CCDC174: variants seen among roughly 807,000 people sequenced by gnomAD.
CCDC174 encodes coiled-coil domain containing 174.
Under a neutral mutation model 57.1 loss-of-function variants are expected in CCDC174, and 37 were observed. That is an observed-to-expected ratio of 0.65 (90% confidence interval 0.50 to 0.85). The LOEUF (loss-of-function observed/expected upper bound fraction) is 0.85, where lower values mean the gene tolerates loss of function less well. CCDC174 is among the 40% of genes least tolerant of loss of function. The pLI, the probability that CCDC174 is intolerant of heterozygous loss-of-function variation, is 0.00. For missense variants in CCDC174, 540 were observed against 574.3 expected, an observed-to-expected ratio of 0.94 and a Z score of 0.61; for synonymous variants, 182 against 190.2, an observed-to-expected ratio of 0.96 and a Z score of 0.35.
rs2031373823 is a variant in CCDC174 at position 14,667,304 on chromosome 3, C to G, written c.725-120C>G. ...TTCTTCGCTTAGCTGTTTTCTTTTTCTTTTTAAAACTTGTGCCAAATATCA... is the reference window on the plus strand; with the variant it reads ...TTCTTCGCTTAGCTGTTTTCTTTTTGTTTTTAAAACTTGTGCCAAATATCA... On this transcript the variant is annotated intron_variant, in intron 7 of 10. Transcript: ENST00000383794. 4 of 801,848 alleles carry G rather than the reference C, an allele frequency of 5.0e-6. No individual in the cohort carries two copies. The Admixed American group carries it at 1.0e-4, about 20-fold the overall frequency. 49.7% of individuals were successfully genotyped at this position (801,848 alleles called of 1,614,324 possible).
rs115772992 is a variant in CCDC174, at chr3:14,658,790, C to T, written c.249-81C>T. ...GGCTGGGCCTCATGGGCAGATGGTA[C>T]CTGTCAGGCAGGGAGTGTGGGGGCA... On this transcript the variant is annotated intron_variant, in intron 3 of 10. Transcript: ENST00000383794. 264 of 1,416,274 alleles carry T rather than the reference C, an allele frequency of 1.9e-4. No homozygotes were observed. In the African/African-American group the frequency reaches 3.4e-3, roughly 18 times the overall value. 87.7% of individuals were successfully genotyped at this position (1,416,274 alleles called of 1,614,324 possible).
intron 3 of CCDC174, among the ~76,000 whole-genome samples, chr3:14,656,261 C>A (rs575633837): frequency 6.6e-6 from 1 of 152,062 alleles, no homozygotes. Context: ...TATCCCAGTA[C>A]AATTATGTAT....
At chr3:14,662,827 G>C (rs974328212) in intron 5 of CCDC174, among the ~76,000 whole-genome samples, 1 of 152,330 alleles carries the variant, frequency 6.6e-6, no homozygotes, top group South Asian at 2.1e-4. Context: ...GTGGATGGCA[G>C]AGAAACTGCA....
At chr3:14,667,923 G>A in intron 8 of CCDC174, 126 bp from the exon 9 acceptor site, 1 of 858,552 alleles carries the variant, frequency 1.2e-6, no homozygotes. Context: ...GGATCTCAAG[G>A]ACAGCTTCTT....
In CCDC174 at chr3:14,667,278, T is replaced by G. The variant is rs958827287; in HGVS notation, c.725-146T>G. On this transcript the variant is annotated intron_variant, in intron 7 of 10. Coordinates refer to ENST00000383794, the MANE Select transcript of CCDC174 (RefSeq NM_016474.5). ...ACTTTTGTGTTTCTTTGGTTTTTTG[T>G]TTCTTCGCTTAGCTGTTTTCTTTTT... is the stretch of plus-strand genomic sequence containing the variant. 3 of 694,154 alleles carry G rather than the reference T, an allele frequency of 4.3e-6. No homozygotes were observed. The African/African-American group carries it at 5.4e-5, about 12-fold the overall frequency. The allele number at this position is 694,154 out of a possible 1,614,324, so 43.0% of individuals were successfully genotyped here. A position where few individuals can be genotyped will look rare whatever the true frequency, so the allele number is the denominator to read the frequency against.
Position 14,668,133 on chromosome 3 carries a change from A to T in CCDC174, c.904A>T (p.Lys302Ter). 1.2e-6 allele frequency: 2 copies of T among 1,611,844 alleles called. No homozygotes were observed. The highest frequency in any genetic ancestry group is 1.7e-6 in the Non-Finnish European group (2 of 1,179,224). The change falls in exon 9 of 11, where the codon AAA becomes TAA. Residue 302 changes from lysine to a stop codon, truncating the protein, a stop_gained. Transcript: ENST00000383794. LOFTEE classifies it high-confidence loss of function. Reference protein sequence around the residue: ...LEARLAKLRQKKMKKSKEGGT... With the variant: ...LEARLAKLRQ ...GGCAAGACTTGCCAAACTTCGACAA[A>T]AAAAGATGAAAAAATCAAAAGAAGG... is the stretch of plus-strand genomic sequence containing the variant.
chr3:14,662,980 A>G (rs188735014), intron 5 of CCDC174, among the ~76,000 whole-genome samples: 426 of 152,354 alleles, frequency 2.8e-3, no homozygotes, highest in Non-Finnish European at 4.9e-3. Flanking sequence ...CCTGCAAGCT[A>G]TAAGAAACCA....
chr3:14,652,862 A>G (rs2030823487), intron 1 of CCDC174, among the ~76,000 whole-genome samples: 1 of 134,100 alleles, frequency 7.5e-6, no homozygotes, highest in South Asian at 2.5e-4. Context: ...AGATCGCGCA[A>G]TTGCACTCCA....
chr3:14,664,454 C>G (rs1318592190), intron 5 of CCDC174, among the ~76,000 whole-genome samples: 1 of 152,198 alleles, frequency 6.6e-6, no homozygotes, highest in Non-Finnish European at 1.5e-5. Flanking sequence ...AGCTGTCTGA[C>G]CACTGTCTAG....
intron 4 of CCDC174, among the ~76,000 whole-genome samples, chr3:14,660,277 G>A (rs1401148376): frequency 1.3e-5 from 2 of 152,180 alleles, no homozygotes; most frequent in African/African-American, 2.4e-5. Context: ...AGGCCGAGGC[G>A]GGTGGATCAC....
chr3:14,662,480 G>A (rs559261894), intron 5 of CCDC174, among the ~76,000 whole-genome samples: 25 of 152,076 alleles, frequency 1.6e-4, no homozygotes, highest in Admixed American at 1.2e-3. Flanking sequence ...AACCAAACTC[G>A]TCTTTTCCTT....
rs770945290 is a variant in CCDC174 at position 14,667,502 on chromosome 3, A to C, written c.803A>C (p.Glu268Ala). Reference protein sequence around the residue: ...ELRNKQMKTLEMLREQTTDQR... With the variant: ...ELRNKQMKTLAMLREQTTDQR... ...AGAAACAAGCAGATGAAAACCTTAG[A>C]GATGCTGCGTGAACAGGTACAGATA... Residue 268 changes from glutamate to alanine, a missense_variant, in exon 8 of 11, where the codon GAG becomes GCG. Glu to Ala is a moderately radical substitution (Grantham distance 107). Transcript: ENST00000383794. 1.2e-6 allele frequency: 2 copies of C among 1,613,688 alleles called. No homozygotes were observed. Among genetic ancestry groups the C allele is most frequent in the South Asian group, 2.2e-5 (2 of 91,062 alleles).
chr3:14,654,801 T>C (rs1472128587), intron 2 of CCDC174, among the ~76,000 whole-genome samples: 1 of 152,252 alleles, frequency 6.6e-6, no homozygotes, highest in African/African-American at 2.4e-5. Flanking sequence ...TATCTGGTTC[T>C]ATAAGTGTTA....
rs747518511 is a variant in CCDC174, at chr3:14,670,848, A to G, written c.1106-48A>G. 7 of 1,420,622 alleles carry G rather than the reference A, an allele frequency of 4.9e-6. No individual in the cohort carries two copies. In the South Asian group the frequency reaches 8.1e-5, roughly 17 times the overall value. The allele number at this position is 1,420,622 out of a possible 1,614,324, so 88.0% of individuals were successfully genotyped here. On this transcript the variant is annotated intron_variant, in intron 10 of 10. Transcript: ENST00000383794. The stretch of plus-strand genomic sequence containing the variant: ...TTAGATAATAGTAACAATAAATTCA[A>G]CTGATTCGTTAATCAGTTCTAATAA...
At chr3:14,655,689 G>T in intron 3 of CCDC174, 60 bp downstream of exon 3, 1 of 1,117,000 alleles carries the variant, frequency 9.0e-7, no homozygotes. Context: ...CAGAGAAATG[G>T]AAGTTCAAAT....
rs894538645 is a variant in CCDC174 at position 14,652,873 on chromosome 3, A to C, written c.42+995A>C. 2.3e-5 allele frequency among the ~76,000 whole-genome samples: 3 copies of C among 129,790 alleles called. No individual in the cohort carries two copies. In the Admixed American group the frequency reaches 2.7e-4, roughly 12 times the overall value. The allele number at this position is 129,790 out of a possible 152,430, so 85.1% of individuals were successfully genotyped here. On this transcript the variant is annotated intron_variant, in intron 1 of 10. Coordinates refer to ENST00000383794, the MANE Select transcript of CCDC174 (RefSeq NM_016474.5). ...GCCGAGATCGCGCAATTGCACTCCA[A>C]CCTGGGCAACAAGAGCGAAACTCCG...
intron 9 of CCDC174, among the ~76,000 whole-genome samples, chr3:14,669,289 C>T (rs2031444210): frequency 6.6e-6 from 1 of 152,200 alleles, no homozygotes; most frequent in Admixed American, 6.5e-5. Context: ...AGACCAGAAA[C>T]ATTTAGGAAT....
Position 14,671,057 on chromosome 3 carries a change from C to T in CCDC174, c.1267C>T (p.Gln423Ter), listed in dbSNP as rs779827041. The change falls in exon 11 of 11, where the codon CAG becomes TAG. Residue 423 changes from glutamine to a stop codon, truncating the protein, a stop_gained. Transcript: ENST00000383794. LOFTEE classifies it low-confidence loss of function (END_TRUNC). ...RPGPAQSDPG[Q>*]CPDQSHGPSP... ...TGGGCCAGCACAGAGTGACCCAGGG[C>T]AGTGCCCTGACCAGAGCCACGGACC... 4 of 1,614,182 alleles carry T rather than the reference C, an allele frequency of 2.5e-6. No individual in the cohort carries two copies. The Admixed American group carries it at 5.0e-5, about 20-fold the overall frequency.
At chr3:14,669,812 A>G (rs897311913) in intron 9 of CCDC174, 122 bp from the exon 10 acceptor site, 3 of 874,664 alleles carry the variant, frequency 3.4e-6, no homozygotes, top group African/African-American at 3.4e-5. Context: ...ACTGCCTGGG[A>G]CATGTTAGGT....
Sources: gnomAD v4.1 joint callset for allele counts (sites outside exome capture counted in the v4.1 genomes callset) on GRCh38, gnomAD v4.1.1 for gene constraint, MANE v1.5 for transcripts, NCBI Gene and HGNC (gene_info 2026-07-23, HGNC 2026-07-21) for gene names.